RAB33A: variants seen among roughly 807,000 people sequenced by gnomAD.
The protein encoded by RAB33A is ras-related protein Rab-33A.
A neutral mutation model predicts 12.0 loss-of-function variants in RAB33A; 6 were observed. The ratio of observed to expected loss-of-function variants is 0.50; its 90% CI spans 0.27 to 0.99. The LOEUF is 0.99. RAB33A is among the 50% of genes least tolerant of loss of function. The pLI is 0.11. For synonymous variants in RAB33A, 70 were observed against 82.4 expected (o/e 0.85, Z 0.81); for missense variants, 109 against 192.0 (o/e 0.57, Z 2.55).
the RAB33A span, among the ~76,000 whole-genome samples, chrX:130,166,208 C>T: frequency 8.9e-6 from 1 of 111,797 alleles, no homozygotes; most frequent in African/African-American, 3.3e-5. Context: ...GATCCAGATC[C>T]AGTTTTTCCA....
the RAB33A span, chrX:130,136,103 G>A: frequency 1.7e-6 from 2 of 1,211,828 alleles, no homozygotes; most frequent in Non-Finnish European, 2.2e-6. Flanking sequence ...ACCAAAATCT[G>A]AGTCTATTTC....
At chrX:130,138,529 G>A in the RAB33A span, 2 of 777,142 alleles carry the variant, frequency 2.6e-6, no homozygotes, top group East Asian at 3.1e-5. Flanking sequence ...ACACATCTCT[G>A]GGATTCACAG....
the RAB33A span, among the ~76,000 whole-genome samples, chrX:130,164,486 C>T: frequency 3.6e-5 from 4 of 112,353 alleles, no homozygotes; most frequent in Non-Finnish European, 5.6e-5. Flanking sequence ...ATTGTAAAAG[C>T]CTCAAGGATA....
At chrX:130,159,737 A>G in the RAB33A span, among the ~76,000 whole-genome samples, 21 of 108,400 alleles carry the variant, frequency 1.9e-4, no homozygotes, top group African/African-American at 7.1e-4. Flanking sequence ...TCACAAACTG[A>G]TAATACTAAC....
intron 1 of RAB33A, among the ~76,000 whole-genome samples, chrX:130,178,932 G>T (rs1180135919): frequency 5.6e-5 from 6 of 106,692 alleles, no homozygotes; most frequent in Non-Finnish European, 9.6e-5. Flanking sequence ...GATTACAGGC[G>T]TGAGCCACCG....
chrX:130,182,939 G>T lies in RAB33A; in HGVS notation c.259-1346G>T, dbSNP rs760518171. On this transcript the variant is annotated intron_variant, in intron 1 of 1. Transcript: ENST00000257017. ...ATTCTTTTTGAGACGGAGTCTCACT[G>T]TGTTGCCCAGGCTGAAGTGCAGTGG... 2.1e-3 allele frequency among the ~76,000 whole-genome samples: 228 copies of T among 109,730 alleles called. 5 individuals are homozygous for T. Among genetic ancestry groups the T allele is most frequent in the Middle Eastern group, 9.7e-3 (2 of 207 alleles).
At chrX:130,138,421 C>T in the RAB33A span, among the ~76,000 whole-genome samples, 9 of 111,346 alleles carry the variant, frequency 8.1e-5, no homozygotes, top group African/African-American at 2.9e-4. Flanking sequence ...GCCGAGATCG[C>T]GCCACTGCAC....
At chrX:130,135,651 G>A in the RAB33A span, among the ~76,000 whole-genome samples, 2 of 110,770 alleles carry the variant, frequency 1.8e-5, no homozygotes, top group Admixed American at 1.9e-4. Context: ...TGAAAACAGA[G>A]TAATTTTCCT....
chrX:130,129,437 A>G, the RAB33A span: 1 of 586,339 alleles, frequency 1.7e-6, no homozygotes. Flanking sequence ...AAATATTCAC[A>G]AAGGACTTGA....
At chrX:130,138,744 G>A in the RAB33A span, 1 of 926,717 alleles carries the variant, frequency 1.1e-6, no homozygotes, top group Non-Finnish European at 1.6e-6. Context: ...TCCAAAAGGG[G>A]CATAGGATAA....
At chrX:130,137,217 G>T in the RAB33A span, 1 of 1,210,073 alleles carries the variant, frequency 8.3e-7, no homozygotes, top group Non-Finnish European at 1.1e-6. Flanking sequence ...GTTACAGCAG[G>T]AAGCAAAAGT....
chrX:130,118,363 G>A, the RAB33A span, among the ~76,000 whole-genome samples: 1 of 112,617 alleles, frequency 8.9e-6, no homozygotes, highest in Non-Finnish European at 1.9e-5. Context: ...CAAGGGGCAG[G>A]CCTGGGCTGA....
At chrX:130,165,903 G>A in the RAB33A span, 2 of 427,705 alleles carry the variant, frequency 4.7e-6, no homozygotes, top group South Asian at 6.4e-5. Context: ...TGGTCCGCAC[G>A]GCGAGAGGAT....
At chrX:130,157,746 C>T in the RAB33A span, among the ~76,000 whole-genome samples, 3 of 109,141 alleles carry the variant, frequency 2.7e-5, no homozygotes, top group Non-Finnish European at 5.7e-5. Context: ...GTGGGCAGAT[C>T]ACGAGGTCAA....
chrX:130,132,324 G>A, the RAB33A span, among the ~76,000 whole-genome samples: 1 of 112,109 alleles, frequency 8.9e-6, no homozygotes, highest in African/African-American at 3.2e-5. Context: ...CATTATACAC[G>A]ACCACATATC....
intron 1 of RAB33A, among the ~76,000 whole-genome samples, chrX:130,182,139 CAAAAAA>C (rs1188540923): frequency 3.3e-5 from 1 of 30,504 alleles, no homozygotes; most frequent in East Asian, 7.6e-4. Flanking sequence ...TCTGTCTCTA[CAAAAAA>C]AAAAAAAAAA....
the RAB33A span, among the ~76,000 whole-genome samples, chrX:130,125,262 C>T: frequency 9.0e-6 from 1 of 111,573 alleles, no homozygotes; most frequent in Admixed American, 9.5e-5. Flanking sequence ...CTCTGGTTTC[C>T]ATCGAGGGCT....
the RAB33A span, among the ~76,000 whole-genome samples, chrX:130,128,299 G>A: frequency 9.0e-6 from 1 of 111,570 alleles, no homozygotes; most frequent in African/African-American, 3.3e-5. Flanking sequence ...TAGGCCGGGC[G>A]CGGTGACTCA....
the RAB33A span, chrX:130,131,826 T>C: frequency 1.7e-6 from 2 of 1,208,525 alleles, no homozygotes; most frequent in East Asian, 3.0e-5. Context: ...GGGTGTTCTG[T>C]CAAGGGACTG....
Sources: allele counts gnomAD v4.1 joint callset (sites outside exome capture counted in the v4.1 genomes callset), GRCh38; gene constraint gnomAD v4.1.1; transcripts MANE v1.5; gene names NCBI Gene and HGNC (gene_info 2026-07-23, HGNC 2026-07-21).